The following HS3ST2 variants were observed in gnomAD, a reference collection of about 807,000 sequenced individuals.
The protein encoded by HS3ST2 is heparan sulfate glucosamine 3-O-sulfotransferase 2.
A neutral mutation model predicts 26.3 loss-of-function variants in HS3ST2; 17 were observed. The ratio of observed to expected loss-of-function variants is 0.65; its 90% CI spans 0.44 to 0.97. The LOEUF (loss-of-function observed/expected upper bound fraction) is 0.97. HS3ST2 is among the 50% of genes least tolerant of loss of function. The probability of loss-of-function intolerance (pLI) is 0.00; values close to 1 mark genes in which losing one functional copy is unlikely to be tolerated. For synonymous variants in HS3ST2, 237 were observed against 219.2 expected, an observed-to-expected ratio of 1.08 and a Z score of -0.72; for missense variants, 402 against 501.2, an observed-to-expected ratio of 0.80 and a Z score of 1.89.
At chr16:22,846,309 T>C (rs577363296) in intron 1 of HS3ST2, among the ~76,000 whole-genome samples, 21 of 152,048 alleles carry the variant, frequency 1.4e-4, no homozygotes, top group African/African-American at 4.8e-4. Context: ...TATATTTGTG[T>C]GTGTTTATAT....
At chr16:22,825,389 G>A (rs1596604628) in intron 1 of HS3ST2, among the ~76,000 whole-genome samples, 2 of 152,332 alleles carry the variant, frequency 1.3e-5, no homozygotes, top group Middle Eastern at 6.8e-3. Flanking sequence ...TAAGGACACA[G>A]AGATGAATAT....
chr16:22,814,425 C>A lies in HS3ST2; in HGVS notation c.-186C>A. 2.0e-6 allele frequency: 1 copy of A among 503,988 alleles called. No homozygotes were observed. Among genetic ancestry groups the A allele is most frequent in the Non-Finnish European group, 3.3e-6 (1 of 299,150 alleles). The allele number at this position is 503,988 out of a possible 1,614,324, so 31.2% of individuals were successfully genotyped here. A position where few individuals can be genotyped will look rare whatever the true frequency, so the allele number is the denominator to read the frequency against. Reference sequence around the variant, plus strand: ...CGCCTGTTCCCCGAGGAGCCGCTGCCCCCGGGACCCCCTGGCACTGTGCGC... The same window carrying A: ...CGCCTGTTCCCCGAGGAGCCGCTGCACCCGGGACCCCCTGGCACTGTGCGC... On this transcript the variant is annotated 5_prime_UTR_variant, in exon 1 of 2. Transcript: ENST00000261374.
intron 1 of HS3ST2, among the ~76,000 whole-genome samples, chr16:22,848,204 C>T (rs1442847674): frequency 6.6e-6 from 1 of 152,192 alleles, no homozygotes; most frequent in African/African-American, 2.4e-5. Context: ...GGAGCCTCTA[C>T]CACTTATTGC....
chr16:22,913,415 A>T (rs1030175052), intron 1 of HS3ST2, among the ~76,000 whole-genome samples: 1 of 151,954 alleles, frequency 6.6e-6, no homozygotes, highest in East Asian at 1.9e-4. Context: ...AGGGAAAGAG[A>T]GGTTACATAG....
At chr16:22,855,409 A>T (rs1901576155) in intron 1 of HS3ST2, among the ~76,000 whole-genome samples, 1 of 152,166 alleles carries the variant, frequency 6.6e-6, no homozygotes, top group South Asian at 2.1e-4. Context: ...CAAGGTCACC[A>T]TGGCAGGTTT....
intron 1 of HS3ST2, among the ~76,000 whole-genome samples, chr16:22,848,541 G>C (rs1774966795): frequency 6.6e-6 from 1 of 152,104 alleles, no homozygotes; most frequent in South Asian, 2.1e-4. Flanking sequence ...AAAGCCTCAG[G>C]ATTGCTTCTG....
At chr16:22,876,764 C>T (rs965168972) in intron 1 of HS3ST2, among the ~76,000 whole-genome samples, 5 of 152,010 alleles carry the variant, frequency 3.3e-5, no homozygotes, top group African/African-American at 9.7e-5. Context: ...ATAAAGAAAA[C>T]GTGGTATATA....
At chr16:22,852,507 T>G (rs993520455) in intron 1 of HS3ST2, among the ~76,000 whole-genome samples, 8 of 152,172 alleles carry the variant, frequency 5.3e-5, no homozygotes, top group Admixed American at 2.0e-4. Flanking sequence ...AGCTCAGATG[T>G]GTACTAGTTC....
intron 1 of HS3ST2, among the ~76,000 whole-genome samples, chr16:22,879,035 G>T (rs969181855): frequency 1.3e-5 from 2 of 152,218 alleles, no homozygotes; most frequent in African/African-American, 2.4e-5. Flanking sequence ...AGGGAGAAAA[G>T]TTAAAAGGTC....
intron 1 of HS3ST2, among the ~76,000 whole-genome samples, chr16:22,872,367 G>A (rs1314636870): frequency 6.6e-6 from 1 of 152,126 alleles, no homozygotes; most frequent in Non-Finnish European, 1.5e-5. Flanking sequence ...ACCAAATATA[G>A]CAAATGCTGC....
intron 1 of HS3ST2, among the ~76,000 whole-genome samples, chr16:22,826,975 G>C (rs1901096293): frequency 6.6e-6 from 1 of 152,216 alleles, no homozygotes; most frequent in Non-Finnish European, 1.5e-5. Context: ...ATGGTGGTAA[G>C]TGCCATGGAG....
chr16:22,890,841 C>T (rs1201826510), intron 1 of HS3ST2, among the ~76,000 whole-genome samples: 1 of 152,182 alleles, frequency 6.6e-6, no homozygotes, highest in African/African-American at 2.4e-5. Flanking sequence ...TGACCTATTG[C>T]ATGAGAAGTG....
intron 1 of HS3ST2, among the ~76,000 whole-genome samples, chr16:22,848,569 T>G (rs796076541): frequency 4.6e-5 from 7 of 152,320 alleles, no homozygotes; most frequent in African/African-American, 1.7e-4. Flanking sequence ...TTGTGAAATA[T>G]GCTCCTTTGA....
chr16:22,904,914 C>T (rs1463054326), intron 1 of HS3ST2, among the ~76,000 whole-genome samples: 1 of 152,216 alleles, frequency 6.6e-6, no homozygotes, highest in African/African-American at 2.4e-5. Context: ...CTCATGACTT[C>T]GCTCAACTAG....
intron 1 of HS3ST2, among the ~76,000 whole-genome samples, chr16:22,907,297 G>A (rs1341175728): frequency 6.6e-6 from 1 of 152,156 alleles, no homozygotes; most frequent in Non-Finnish European, 1.5e-5. Flanking sequence ...GCCAAGCTAA[G>A]GAATACAGAC....
In HS3ST2 at chr16:22,895,769, T is replaced by G. The variant is rs550300852; in HGVS notation, c.486-19175T>G. On this transcript the variant is annotated intron_variant, in intron 1 of 1. Coordinates refer to ENST00000261374, the MANE Select transcript of HS3ST2 (RefSeq NM_006043.2). ...TGTTATATGGCCACACAATTTTCTT[T>G]TCTTTTCCATTTTCCAGTATTTTGG... is the stretch of plus-strand genomic sequence containing the variant. 1.1e-3 allele frequency among the ~76,000 whole-genome samples: 163 copies of G among 152,262 alleles called. 4 individuals carry two copies. The South Asian group carries it at 0.033, about 31-fold the overall frequency.
In HS3ST2 at chr16:22,868,620, G is replaced by A. The variant is rs373494194; in HGVS notation, c.486-46324G>A. ...AGTTTCAGATCCATTTCTGAGCCTG[G>A]GCCCTACCCAGGACTGTTGTTAATT... On this transcript the variant is annotated intron_variant, in intron 1 of 1. Coordinates refer to ENST00000261374, the MANE Select transcript of HS3ST2 (RefSeq NM_006043.2). 3.3e-5 allele frequency among the ~76,000 whole-genome samples: 5 copies of A among 152,024 alleles called. No homozygotes were observed. The East Asian group carries it at 9.7e-4, about 29-fold the overall frequency.
At chr16:22,823,696 A>G (rs899292985) in intron 1 of HS3ST2, among the ~76,000 whole-genome samples, 3 of 151,572 alleles carry the variant, frequency 2.0e-5, no homozygotes, top group Non-Finnish European at 4.4e-5. Context: ...CTGACATGGG[A>G]GATTCACTTG....
In HS3ST2 at chr16:22,892,750, A is replaced by G. The variant is rs371226347; in HGVS notation, c.486-22194A>G. Among the ~76,000 whole-genome samples the G allele has an allele frequency of 5.9e-5, 9 of 152,306 alleles. No individual in the cohort carries two copies. In the East Asian group the frequency reaches 1.2e-3, roughly 20 times the overall value. On this transcript the variant is annotated intron_variant, in intron 1 of 1. Coordinates refer to ENST00000261374, the MANE Select transcript of HS3ST2 (RefSeq NM_006043.2). ...GCAATCCAAATAGTGATCCAGAACC[A>G]CACTGTTTTAATTACTACAGCTTTA...
Sources: gnomAD v4.1 joint callset for allele counts (sites outside exome capture counted in the v4.1 genomes callset) on GRCh38, gnomAD v4.1.1 for gene constraint, MANE v1.5 for transcripts, NCBI Gene and HGNC (gene_info 2026-07-23, HGNC 2026-07-21) for gene names.